Variants in RUNX1 observed in about 807,000 individuals in gnomAD.
The protein encoded by RUNX1 is runt-related transcription factor 1.
A neutral mutation model predicts 42.8 loss-of-function variants in RUNX1; 19 were observed. The observed-to-expected ratio is 0.44, with a 90% confidence interval of 0.31 to 0.65. The LOEUF is 0.65. Ranked by LOEUF, RUNX1 falls within the 30% of genes least tolerant of loss-of-function variation. The probability of loss-of-function intolerance (pLI) is 0.07; values close to 1 mark genes in which losing one functional copy is unlikely to be tolerated. For missense variants in RUNX1, 528 were observed against 672.0 expected, an observed-to-expected ratio of 0.79 and a Z score of 2.37; for synonymous variants, 271 against 289.4, an observed-to-expected ratio of 0.94 and a Z score of 0.64.
intron 2 of RUNX1, among the ~76,000 whole-genome samples, chr21:34,893,646 C>G (rs899847126): frequency 6.6e-6 from 1 of 151,986 alleles, no homozygotes; most frequent in African/African-American, 2.4e-5. Context: ...CTCTATCAGC[C>G]TTGTATATTG....
At chr21:34,993,542 C>G (rs1231113675) in intron 2 of RUNX1, among the ~76,000 whole-genome samples, 1 of 143,964 alleles carries the variant, frequency 6.9e-6, no homozygotes, top group Admixed American at 7.2e-5. Flanking sequence ...TACAGGCACA[C>G]ACAGACACAC....
In RUNX1 at chr21:34,818,321, G is replaced by T. The variant is rs551907628; in HGVS notation, c.805+16089C>A. Among the ~76,000 whole-genome samples the T allele has an allele frequency of 7.9e-5, 12 of 152,332 alleles. No homozygotes were observed. In the East Asian group the frequency reaches 2.1e-3, roughly 27 times the overall value. On this transcript the variant is annotated intron_variant, in intron 7 of 8. Coordinates refer to ENST00000675419, the MANE Select transcript of RUNX1 (RefSeq NM_001754.5). ...GGGCAACTGTTAGTATTGTTTGTTTGTTTTTTAATTTCCAAAAGTAAGGAG... is the reference window on the plus strand; with the variant it reads ...GGGCAACTGTTAGTATTGTTTGTTTTTTTTTTAATTTCCAAAAGTAAGGAG...
At chr21:34,945,510 T>C (rs2058557902) in intron 2 of RUNX1, among the ~76,000 whole-genome samples, 1 of 152,190 alleles carries the variant, frequency 6.6e-6, no homozygotes, top group African/African-American at 2.4e-5. Context: ...CCCAGGAACC[T>C]GCTTTTTACT....
chr21:35,027,525 C>T (rs1044102195), intron 2 of RUNX1, among the ~76,000 whole-genome samples: 3 of 152,128 alleles, frequency 2.0e-5, no homozygotes, highest in African/African-American at 7.2e-5. Flanking sequence ...ATTCCTGAGG[C>T]CCTGGTTTAA....
chr21:34,919,960 C>A (rs925360254), intron 2 of RUNX1, among the ~76,000 whole-genome samples: 1 of 152,180 alleles, frequency 6.6e-6, no homozygotes, highest in Non-Finnish European at 1.5e-5. Flanking sequence ...CCAGGCTCTG[C>A]GTTAGGTACT....
chr21:34,952,990 C>A (rs1047733626), intron 2 of RUNX1, among the ~76,000 whole-genome samples: 1 of 152,232 alleles, frequency 6.6e-6, no homozygotes, highest in Non-Finnish European at 1.5e-5. Flanking sequence ...CATCACCCAG[C>A]TGCCCTTCCA....
At chr21:35,025,902 G>A (rs1055626045) in intron 2 of RUNX1, among the ~76,000 whole-genome samples, 70 of 152,180 alleles carry the variant, frequency 4.6e-4, no homozygotes, top group African/African-American at 1.4e-3. Flanking sequence ...GTGCTTGCTC[G>A]TTATGAACAC....
intron 2 of RUNX1, among the ~76,000 whole-genome samples, chr21:34,924,215 T>C (rs139622223): frequency 2.2e-3 from 340 of 152,286 alleles, no homozygotes; most frequent in African/African-American, 7.8e-3. Flanking sequence ...CTCTCCTCAT[T>C]TCCTTCAATT....
At chr21:34,813,642 C>A (rs531674033) in intron 7 of RUNX1, among the ~76,000 whole-genome samples, 78 of 152,228 alleles carry the variant, frequency 5.1e-4, no homozygotes, top group Middle Eastern at 3.4e-3. Context: ...GAACTACCAA[C>A]AAGACTGCTC....
chr21:34,901,045 G>C lies in RUNX1; in HGVS notation c.59-8082C>G, dbSNP rs2058173464. ...AGTAATAGATCAATTCAGTGAGGGA[G>C]CTACTGGTCTAATGGTCTAAGCTAT... On this transcript the variant is annotated intron_variant, in intron 2 of 8. Coordinates refer to ENST00000675419, the MANE Select transcript of RUNX1 (RefSeq NM_001754.5). The surrounding 1 kb of genome is among the most constrained non-coding windows in gnomAD (Gnocchi z 4.3). Among the ~76,000 whole-genome samples, 1 of 152,184 alleles carries C rather than the reference G, an allele frequency of 6.6e-6. No individual in the cohort carries two copies. Among genetic ancestry groups the C allele is most frequent in the African/African-American group, 2.4e-5 (1 of 41,448 alleles).
At chr21:34,842,361 G>A (rs955122536) in intron 6 of RUNX1, among the ~76,000 whole-genome samples, 2 of 151,684 alleles carry the variant, frequency 1.3e-5, no homozygotes, top group Admixed American at 1.3e-4. Flanking sequence ...CAAGCATGGT[G>A]GCGCGCACCT....
chr21:35,003,839 GA>G (rs2059064495), intron 2 of RUNX1, among the ~76,000 whole-genome samples: 1 of 152,064 alleles, frequency 6.6e-6, no homozygotes, highest in Non-Finnish European at 1.5e-5. Flanking sequence ...ATCCAACCTG[GA>G]GAAACTGTAT....
intron 7 of RUNX1, among the ~76,000 whole-genome samples, chr21:34,804,546 TA>T (rs1569012775): frequency 6.6e-6 from 1 of 151,742 alleles, no homozygotes; most frequent in Non-Finnish European, 1.5e-5. Context: ...AAACTTTCAA[TA>T]AAAAATTACA....
intron 4 of RUNX1, among the ~76,000 whole-genome samples, chr21:34,885,360 T>C (rs988174908): frequency 6.6e-6 from 1 of 151,952 alleles, no homozygotes; most frequent in Non-Finnish European, 1.5e-5. Context: ...AGGCAAAGGG[T>C]TAGAATGATT....
At chr21:34,977,948 GTC>G (rs1334702321) in intron 2 of RUNX1, among the ~76,000 whole-genome samples, 3 of 150,712 alleles carry the variant, frequency 2.0e-5, no homozygotes, top group Admixed American at 2.0e-4. Flanking sequence ...TTGAGACGGA[GTC>G]TCTCTCTGTC....
At chr21:34,958,889 T>C (rs1168466272) in intron 2 of RUNX1, among the ~76,000 whole-genome samples, 1 of 151,804 alleles carries the variant, frequency 6.6e-6, no homozygotes, top group African/African-American at 2.4e-5. Context: ...GATGAGTTCA[T>C]GTCCTTTGTA....
rs561317150 is a variant in RUNX1 at position 34,951,087 on chromosome 21, A to G, written c.59-58124T>C. Among the ~76,000 whole-genome samples, 6 of 152,336 alleles carry G rather than the reference A, an allele frequency of 3.9e-5. No homozygotes were observed. In the South Asian group the frequency reaches 1.2e-3, roughly 32 times the overall value. The stretch of plus-strand genomic sequence containing the variant: ...AAGTGACAAGGTATGCGTGTTTTAC[A>G]GTGCTGCCGAGTGTTAGACATATCC... On this transcript the variant is annotated intron_variant, in intron 2 of 8. Transcript: ENST00000675419.
At chr21:34,819,317 A>G (rs920286507) in intron 7 of RUNX1, among the ~76,000 whole-genome samples, 5 of 152,330 alleles carry the variant, frequency 3.3e-5, no homozygotes, top group African/African-American at 1.2e-4. Flanking sequence ...GAGTGTGGTC[A>G]TGACATGGCA....
In RUNX1 at chr21:34,791,683, A is replaced by C. The variant is rs562869682; in HGVS notation, c.*452T>G. The C allele has an allele frequency of 4.3e-6, 1 of 230,572 alleles. No homozygotes were observed. The highest frequency in any genetic ancestry group is 1.8e-4 in the South Asian group (1 of 5,504). The allele number at this position is 230,572 out of a possible 1,614,324, so 14.3% of individuals were successfully genotyped here. ...TTAGATGCCAAACAGGGCGAGTTGC[A>C]TCCCTCCTCTCCCCCCACCCCAACC... is the stretch of plus-strand genomic sequence containing the variant. On this transcript the variant is annotated 3_prime_UTR_variant, in exon 9 of 9. Transcript: ENST00000675419.
Sources: gnomAD v4.1 joint callset for allele counts (sites outside exome capture counted in the v4.1 genomes callset) on GRCh38, gnomAD v4.1.1 for gene constraint, Gnocchi (gnomAD v3.1) non-coding constraint, MANE v1.5 for transcripts, NCBI Gene and HGNC (gene_info 2026-07-23, HGNC 2026-07-21) for gene names.